IL1RAPL1: variants seen among roughly 807,000 people sequenced by gnomAD.
The protein encoded by IL1RAPL1 is interleukin-1 receptor accessory protein-like 1.
A neutral mutation model predicts 48.4 loss-of-function variants in IL1RAPL1; 3 were observed. That is an observed-to-expected ratio of 0.06 (90% confidence interval 0.03 to 0.16). The LOEUF is 0.16. Among genes scored for constraint, IL1RAPL1 ranks in the 10% least tolerant of loss-of-function variants. The probability of loss-of-function intolerance (pLI) is 1.00; values close to 1 mark genes in which losing one functional copy is unlikely to be tolerated. For missense variants in IL1RAPL1, 349 were observed against 530.6 expected (o/e 0.66, Z 3.36); for synonymous variants, 185 against 187.7 (o/e 0.99, Z 0.12).
At chrX:29,413,506 A>ACCCCCCCCCC (rs1934173718) in intron 5 of IL1RAPL1, among the ~76,000 whole-genome samples, 2 of 77,336 alleles carry the variant, frequency 2.6e-5, no homozygotes, top group Non-Finnish European at 4.9e-5. Context: ...CCTCCCCCCT[A>ACCCCCCCCCC]CCCCCACCCC....
chrX:29,541,292 G>A (rs962923301), intron 5 of IL1RAPL1, among the ~76,000 whole-genome samples: 1 of 111,869 alleles, frequency 8.9e-6, no homozygotes, highest in Non-Finnish European at 1.9e-5. Flanking sequence ...AGATGCTAGT[G>A]AGGCTGTGGA....
Position 28,812,902 on chromosome X carries a change from C to CTTG in IL1RAPL1, c.82+23477_82+23478insTTG, listed in dbSNP as rs1936810385. The stretch of plus-strand genomic sequence containing the variant: ...CCAGTTTCATTTTCTTGACATCACC[C>CTTG]AGGGCCCTCTGAAAGAATTTTCTGT... On this transcript the variant is annotated intron_variant, in intron 2 of 10. Transcript: ENST00000378993. Among the ~76,000 whole-genome samples the CTTG allele has an allele frequency of 2.7e-5, 3 of 110,480 alleles. No individual in the cohort carries two copies. The South Asian group carries it at 1.1e-3, about 42-fold the overall frequency.
chrX:28,595,411 T>C (rs1223118757), intron 1 of IL1RAPL1, among the ~76,000 whole-genome samples: 1 of 112,445 alleles, frequency 8.9e-6, no homozygotes, highest in Non-Finnish European at 1.9e-5. Context: ...ATTATAATAG[T>C]GACATTTCTA....
At chrX:29,477,827 C>CA (rs1315443124) in intron 5 of IL1RAPL1, among the ~76,000 whole-genome samples, 3 of 111,000 alleles carry the variant, frequency 2.7e-5, no homozygotes, top group Admixed American at 1.9e-4. Context: ...ACTTCTGTAC[C>CA]AAAAAAATCA....
intron 2 of IL1RAPL1, among the ~76,000 whole-genome samples, chrX:29,085,197 G>A (rs946500932): frequency 3.6e-5 from 4 of 111,359 alleles, no homozygotes; most frequent in Non-Finnish European, 7.5e-5. Context: ...ATATTCTAGA[G>A]AATTTGGAGG....
chrX:28,886,375 A>G (rs776510061), intron 2 of IL1RAPL1, among the ~76,000 whole-genome samples: 5 of 109,852 alleles, frequency 4.6e-5, no homozygotes, highest in Middle Eastern at 4.9e-3. Flanking sequence ...CTATATACAT[A>G]TATGTATATA....
At chrX:28,844,088 T>G (rs983042226) in intron 2 of IL1RAPL1, among the ~76,000 whole-genome samples, 2 of 108,478 alleles carry the variant, frequency 1.8e-5, no homozygotes, top group African/African-American at 6.7e-5. Context: ...CCCACATCCA[T>G]TTGTGATATC....
intron 2 of IL1RAPL1, among the ~76,000 whole-genome samples, chrX:29,221,989 G>A (rs945538551): frequency 7.9e-5 from 7 of 88,229 alleles, no homozygotes; most frequent in South Asian, 1.2e-3. Flanking sequence ...CAACCTGGGC[G>A]ACAGAGTGAG....
At chrX:29,713,746 A>G (rs1307806489) in intron 6 of IL1RAPL1, among the ~76,000 whole-genome samples, 3 of 112,106 alleles carry the variant, frequency 2.7e-5, no homozygotes, top group African/African-American at 9.7e-5. Context: ...TGGTCACTGC[A>G]CATCAGTGGA....
At chrX:28,805,863 G>GTA (rs748936792) in intron 2 of IL1RAPL1, among the ~76,000 whole-genome samples, 1,694 of 107,911 alleles carry the variant, frequency 0.016, 34 homozygotes, top group African/African-American at 0.052. Flanking sequence ...ATATATGTAT[G>GTA]TATATATATA....
chrX:29,289,912 A>C (rs1932344878), intron 3 of IL1RAPL1, among the ~76,000 whole-genome samples: 1 of 112,272 alleles, frequency 8.9e-6, no homozygotes. Flanking sequence ...ACATTTTAAA[A>C]ACATATTTTT....
chrX:28,746,854 CTGTT>C (rs1446395966), intron 1 of IL1RAPL1, among the ~76,000 whole-genome samples: 1 of 111,449 alleles, frequency 9.0e-6, no homozygotes, highest in Non-Finnish European at 1.9e-5. Flanking sequence ...GTTCATATGT[CTGTT>C]TTTCTTTAAA....
intron 2 of IL1RAPL1, among the ~76,000 whole-genome samples, chrX:29,058,418 C>G (rs1464814982): frequency 5.0e-4 from 56 of 111,305 alleles, no homozygotes; most frequent in African/African-American, 1.7e-3. Context: ...CACCCATTCC[C>G]AGGTAAAATG....
intron 5 of IL1RAPL1, among the ~76,000 whole-genome samples, chrX:29,524,779 C>A (rs1269363575): frequency 4.5e-5 from 5 of 112,337 alleles, no homozygotes; most frequent in African/African-American, 1.6e-4. Context: ...TGTGAAGAAG[C>A]AGTTTAACAC....
intron 5 of IL1RAPL1, among the ~76,000 whole-genome samples, chrX:29,600,332 G>A (rs906137217): frequency 1.8e-5 from 2 of 111,995 alleles, no homozygotes; most frequent in Non-Finnish European, 3.8e-5. Context: ...TGGGCTCTGG[G>A]CTGGTACTGG....
At chrX:29,560,318 T>G (rs1370707352) in intron 5 of IL1RAPL1, among the ~76,000 whole-genome samples, 9 of 112,182 alleles carry the variant, frequency 8.0e-5, no homozygotes, top group Non-Finnish European at 1.5e-4. Flanking sequence ...CTTTCAAAAT[T>G]CTTTGACTTT....
chrX:28,947,222 G>A (rs1199190236), intron 2 of IL1RAPL1, among the ~76,000 whole-genome samples: 1 of 111,735 alleles, frequency 8.9e-6, no homozygotes, highest in African/African-American at 3.3e-5. Flanking sequence ...ACATGTGTAT[G>A]TTTGTGTATC....
chrX:29,418,515 C>T (rs1266356020), intron 5 of IL1RAPL1, among the ~76,000 whole-genome samples: 4 of 111,400 alleles, frequency 3.6e-5, no homozygotes, highest in Non-Finnish European at 7.5e-5. Context: ...AAGTCCACTA[C>T]TCAAAATGTA....
chrX:28,876,430 A>T (rs189171763), intron 2 of IL1RAPL1, among the ~76,000 whole-genome samples: 2 of 112,061 alleles, frequency 1.8e-5, no homozygotes, highest in African/African-American at 3.2e-5. Flanking sequence ...GGGAGGGAAA[A>T]AAGAACCAGA....
Sources: allele counts gnomAD v4.1 joint callset (sites outside exome capture counted in the v4.1 genomes callset), GRCh38; gene constraint gnomAD v4.1.1; transcripts MANE v1.5; gene names NCBI Gene and HGNC (gene_info 2026-07-23, HGNC 2026-07-21).